The following MYH10 variants were observed in gnomAD, a reference collection of about 807,000 sequenced individuals.
MYH10 encodes myosin heavy chain 10.
MYH10 carries 55 observed loss-of-function variants against 257.8 expected under a neutral mutation model. The ratio of observed to expected loss-of-function variants is 0.21; its 90% CI spans 0.17 to 0.27. The LOEUF (loss-of-function observed/expected upper bound fraction) is 0.27. Ranked by LOEUF, MYH10 falls within the 10% of genes least tolerant of loss-of-function variation. The pLI is 1.00. For missense variants in MYH10, 1,631 were observed against 2,500.6 expected (o/e 0.65, Z 7.42); for synonymous variants, 854 against 921.7 (o/e 0.93, Z 1.33).
intron 6 of MYH10, among the ~76,000 whole-genome samples, chr17:8,576,403 C>A (rs1456786305): frequency 6.6e-6 from 1 of 151,926 alleles, no homozygotes; most frequent in Non-Finnish European, 1.5e-5. Context: ...ACATGCAGTT[C>A]AATGTCATGA....
chr17:8,535,588 C>A lies in MYH10; in HGVS notation c.1780-87G>T. 2 of 1,327,536 alleles carry A rather than the reference C, an allele frequency of 1.5e-6. No individual in the cohort carries two copies. Among genetic ancestry groups the A allele is most frequent in the Non-Finnish European group, 2.1e-6 (2 of 950,550 alleles). The allele number at this position is 1,327,536 out of a possible 1,614,324, so 82.2% of individuals were successfully genotyped here. On this transcript the variant is annotated intron_variant, in intron 15 of 42. Coordinates refer to ENST00000360416, the MANE Select transcript of MYH10 (RefSeq NM_001256012.3). This position sits in a 1 kb window ranked among gnomAD's most constrained non-coding sequence, Gnocchi z 4.3. ...AAACACTTTAAGCCTCAACCAGAAACTTTTATACAACAGTCCCCAAAATGG... is the reference window on the plus strand; with the variant it reads ...AAACACTTTAAGCCTCAACCAGAAAATTTTATACAACAGTCCCCAAAATGG...
intron 1 of MYH10, among the ~76,000 whole-genome samples, chr17:8,629,393 C>T (rs1165674771): frequency 8.5e-6 from 1 of 117,098 alleles, no homozygotes; most frequent in East Asian, 3.1e-4. Flanking sequence ...TTGAAGGGAG[C>T]TGCAGAGGCC....
intron 26 of MYH10, among the ~76,000 whole-genome samples, chr17:8,507,067 A>G (rs2081096623): frequency 6.6e-6 from 1 of 152,232 alleles, no homozygotes. Flanking sequence ...AACAACCTGT[A>G]TGCCTTTGTG....
At chr17:8,518,072 GAGC>G (rs1442902262) in intron 21 of MYH10, among the ~76,000 whole-genome samples, 1 of 138,958 alleles carries the variant, frequency 7.2e-6, no homozygotes, top group African/African-American at 2.7e-5. Flanking sequence ...CTGAGGACTT[GAGC>G]TGAGGCAGGA....
At chr17:8,529,271 C>T (rs1234257869) in intron 17 of MYH10, among the ~76,000 whole-genome samples, 3 of 152,192 alleles carry the variant, frequency 2.0e-5, no homozygotes, top group African/African-American at 7.2e-5. Context: ...TGATGTTTTG[C>T]CTCCTCTGTG....
At chr17:8,524,449 C>CAAAAAAAAAAAA (rs541255427) in intron 17 of MYH10, among the ~76,000 whole-genome samples, 2 of 62,154 alleles carry the variant, frequency 3.2e-5, no homozygotes, top group African/African-American at 1.3e-4. Flanking sequence ...GACTCTGTCT[C>CAAAAAAAAAAAA]AAAAAAAAAA....
chr17:8,518,301 T>G (rs1030745652), intron 21 of MYH10, among the ~76,000 whole-genome samples: 2 of 152,176 alleles, frequency 1.3e-5, no homozygotes, highest in South Asian at 4.1e-4. Context: ...GCCTGGCTAA[T>G]TTTTGTATTT....
chr17:8,533,250 T>G (rs1280137468), intron 16 of MYH10, among the ~76,000 whole-genome samples: 1 of 152,188 alleles, frequency 6.6e-6, no homozygotes, highest in African/African-American at 2.4e-5. Flanking sequence ...CTACTGATGC[T>G]ATTTATTCAG....
chr17:8,609,473 A>G (rs1035356478), intron 2 of MYH10, among the ~76,000 whole-genome samples: 1 of 152,234 alleles, frequency 6.6e-6, no homozygotes, highest in Non-Finnish European at 1.5e-5. Context: ...CAGAGGATTC[A>G]GAAATAAATT....
chr17:8,522,137 A>G (rs2081675342), intron 17 of MYH10, among the ~76,000 whole-genome samples: 1 of 152,252 alleles, frequency 6.6e-6, no homozygotes, highest in Admixed American at 6.5e-5. Flanking sequence ...AATGAAACAC[A>G]TTACTCAAAT....
intron 7 of MYH10, among the ~76,000 whole-genome samples, chr17:8,566,927 G>T (rs776741011): frequency 6.6e-6 from 1 of 152,114 alleles, no homozygotes; most frequent in Non-Finnish European, 1.5e-5. Flanking sequence ...AGGAAAAAGC[G>T]GGGCCACTGA....
chr17:8,499,443 G>A lies in MYH10; in HGVS notation c.3778C>T (p.Leu1260=). 2 of 1,614,140 alleles carry A rather than the reference G, an allele frequency of 1.2e-6. No homozygotes were observed. The highest frequency in any genetic ancestry group is 1.7e-6 in the Non-Finnish European group (2 of 1,180,036). The change falls in exon 30 of 43, where the codon CTG becomes TTG. Residue 1260 remains leucine (L), a synonymous_variant. Transcript: ENST00000360416. ...GCCAGCTCCTTGTTATCTGTCTCCA[G>A]GCCCTGCTTGTTCTTCTCTAGATTT... ...KANLEKNKQG[L]ETDNKELACE...
At chr17:8,518,025 C>CGT (rs34409328) in intron 21 of MYH10, among the ~76,000 whole-genome samples, 3,647 of 123,758 alleles carry the variant, frequency 0.029, 318 homozygotes, top group African/African-American at 0.1. Flanking sequence ...CCCTTGGCCC[C>CGT]GTGTGTGTGT....
intron 7 of MYH10, among the ~76,000 whole-genome samples, chr17:8,564,595 T>TC (rs2083102495): frequency 6.6e-6 from 1 of 152,196 alleles, no homozygotes; most frequent in Non-Finnish European, 1.5e-5. Context: ...GAAGGTGTGC[T>TC]CTACAGGGCT....
intron 2 of MYH10, among the ~76,000 whole-genome samples, chr17:8,611,627 T>C (rs1185341045): frequency 6.6e-6 from 1 of 152,146 alleles, no homozygotes; most frequent in African/African-American, 2.4e-5. Context: ...TAAGAATTCA[T>C]GTGTTAAACA....
At chr17:8,600,280 T>C (rs905053949) in intron 3 of MYH10, among the ~76,000 whole-genome samples, 12 of 152,114 alleles carry the variant, frequency 7.9e-5, no homozygotes, top group Admixed American at 3.3e-4. Context: ...AAATCTAAAT[T>C]ATACAAGGCA....
rs1006530044 is a variant in MYH10 at position 8,477,954 on chromosome 17, A to G, written c.5706+384T>C. 1.3e-5 allele frequency among the ~76,000 whole-genome samples: 2 copies of G among 152,138 alleles called. No individual in the cohort carries two copies. Among genetic ancestry groups the G allele is most frequent in the African/African-American group, 4.8e-5 (2 of 41,432 alleles). On this transcript the variant is annotated intron_variant, in intron 41 of 42. Coordinates refer to ENST00000360416, the MANE Select transcript of MYH10 (RefSeq NM_001256012.3). The surrounding 1 kb of genome is among the most constrained non-coding windows in gnomAD (Gnocchi z 4.2). ...TACCTTTGTCTTCCCTTCACTTTCT[A>G]TTCAGTATCTCCTGTGCCCACCCTA...
At position 8,499,531 on chromosome 17, in the gene MYH10, A is replaced by G. The variant is rs1917190216; in HGVS notation, c.3745-55T>C. On this transcript the variant is annotated intron_variant, in intron 29 of 42. Transcript: ENST00000360416. ...CTAGTTATTTTCTAAAACTCCATAC[A>G]GAGGACTGCTTTTTGAGTCTGCAGA... 3.9e-6 allele frequency: 6 copies of G among 1,551,528 alleles called. No homozygotes were observed. In the South Asian group the frequency reaches 6.7e-5, roughly 17 times the overall value.
intron 30 of MYH10, among the ~76,000 whole-genome samples, chr17:8,498,586 GC>G (rs1917037220): frequency 6.6e-6 from 1 of 151,982 alleles, no homozygotes; most frequent in Non-Finnish European, 1.5e-5. Flanking sequence ...AGTAGCTCAG[GC>G]CTGTAATCCC....
Sources: allele counts gnomAD v4.1 joint callset (sites outside exome capture counted in the v4.1 genomes callset), GRCh38; gene constraint gnomAD v4.1.1; non-coding constraint Gnocchi (gnomAD v3.1); transcripts MANE v1.5; gene names NCBI Gene and HGNC (gene_info 2026-07-23, HGNC 2026-07-21).